SPATA13: variants seen among roughly 807,000 people sequenced by gnomAD.
The protein encoded by SPATA13 is spermatogenesis-associated protein 13.
SPATA13 carries 50 observed loss-of-function variants against 104.0 expected under a neutral mutation model. That is an observed-to-expected ratio of 0.48 (90% CI 0.38 to 0.61). SPATA13 has a LOEUF of 0.61. SPATA13 is among the 20% of genes least tolerant of loss of function. The pLI is 0.00. For synonymous variants in SPATA13, 606 were observed against 667.5 expected, an observed-to-expected ratio of 0.91 and a Z score of 1.42; for missense variants, 1,524 against 1,690.6, an observed-to-expected ratio of 0.90 and a Z score of 1.73.
intron 1 of SPATA13, among the ~76,000 whole-genome samples, chr13:24,174,494 G>A (rs527898351): frequency 2.4e-4 from 37 of 151,538 alleles, no homozygotes; most frequent in Admixed American, 5.3e-4. Context: ...CACTGCTTTC[G>A]CTATATTCCA....
intron 4 of SPATA13, among the ~76,000 whole-genome samples, chr13:24,264,822 C>G (rs1874219532): frequency 6.6e-6 from 1 of 152,176 alleles, no homozygotes; most frequent in African/African-American, 2.4e-5. Flanking sequence ...TGGCCTTCAG[C>G]TGAAGCTGGC....
chr13:24,295,375 C>A (rs942976740), intron 10 of SPATA13, among the ~76,000 whole-genome samples: 4 of 152,210 alleles, frequency 2.6e-5, no homozygotes, highest in African/African-American at 9.6e-5. Flanking sequence ...CTTTGGGAGG[C>A]CAAAGTGTGA....
chr13:24,249,530 A>G lies in SPATA13; in HGVS notation c.1707A>G (p.Thr569=), dbSNP rs1873354768. 6.2e-7 allele frequency: 1 copy of G among 1,609,640 alleles called. No homozygotes were observed. The highest frequency in any genetic ancestry group is 1.6e-4 in the Middle Eastern group (1 of 6,074). ...RRSSSQDEER[T]EAQRTPKRRW... ...GCTCATCACAGGATGAGGAAAGGAC[A>G]GAGGCACAGAGAACCCCCAAGAGGA... Residue 569 remains threonine (T), a synonymous_variant, in exon 3 of 13, where the codon ACA becomes ACG. Transcript: ENST00000382108.
intron 3 of SPATA13, among the ~76,000 whole-genome samples, chr13:24,155,231 A>T (rs1882224646): frequency 6.6e-6 from 1 of 152,188 alleles, no homozygotes. Context: ...GAAAGATGAA[A>T]GGGGGATTCT....
intron 2 of SPATA13, among the ~76,000 whole-genome samples, chr13:23,990,237 C>T (rs1566063989): frequency 6.6e-6 from 1 of 152,192 alleles, no homozygotes; most frequent in Non-Finnish European, 1.5e-5. Context: ...TGATCTGTCA[C>T]CAAGAGGAGT....
intron 1 of SPATA13, among the ~76,000 whole-genome samples, chr13:24,210,050 C>A (rs1428770318): frequency 1.3e-5 from 2 of 152,012 alleles, no homozygotes; most frequent in East Asian, 1.9e-4. Context: ...TATCTCTTGG[C>A]CATTTGTGTG....
chr13:24,139,198 T>C (rs948501268), intron 3 of SPATA13, among the ~76,000 whole-genome samples: 1 of 152,108 alleles, frequency 6.6e-6, no homozygotes, highest in African/African-American at 2.4e-5. Context: ...CACAGCTTTT[T>C]CCCATGTGTC....
intron 3 of SPATA13, among the ~76,000 whole-genome samples, chr13:24,066,198 G>A (rs1036113692): frequency 6.6e-6 from 1 of 152,166 alleles, no homozygotes; most frequent in African/African-American, 2.4e-5. Flanking sequence ...GACCAGGTGA[G>A]GAAATCCATC....
chr13:24,125,152 C>T (rs1251858662), intron 3 of SPATA13, among the ~76,000 whole-genome samples: 1 of 152,194 alleles, frequency 6.6e-6, no homozygotes, highest in Non-Finnish European at 1.5e-5. Context: ...TTTCTGCTCC[C>T]GCATAACATC....
At chr13:24,260,094 G>A (rs925805647) in intron 4 of SPATA13, among the ~76,000 whole-genome samples, 3 of 152,222 alleles carry the variant, frequency 2.0e-5, no homozygotes, top group African/African-American at 4.8e-5. Flanking sequence ...AGCTGCCAGT[G>A]TGGTGGATGA....
chr13:24,245,885 C>T (rs934472367), intron 2 of SPATA13, among the ~76,000 whole-genome samples: 13 of 152,014 alleles, frequency 8.6e-5, no homozygotes, highest in South Asian at 2.1e-4. Context: ...CACTGTGCTC[C>T]GGCCAACAGT....
chr13:24,061,616 G>A (rs1349052215), intron 3 of SPATA13, among the ~76,000 whole-genome samples: 1 of 152,144 alleles, frequency 6.6e-6, no homozygotes, highest in Non-Finnish European at 1.5e-5. Flanking sequence ...ACTAATGCAG[G>A]AACAGAAAAC....
Position 24,009,287 on chromosome 13 carries a change from C to T in SPATA13, c.-146-8380C>T, listed in dbSNP as rs1019590460. 2.6e-5 allele frequency among the ~76,000 whole-genome samples: 4 copies of T among 152,348 alleles called. No individual in the cohort carries two copies. In the South Asian group the frequency reaches 6.2e-4, roughly 24 times the overall value. On this transcript the variant is annotated intron_variant, in intron 2 of 14. Coordinates refer to the SPATA13 transcript ENST00000424834. ...CTGTGAACCAAAAGTATCTGAGATA[C>T]GTCTCCATTAATTTAGAAAGTTTAT...
At chr13:24,166,486 C>T (rs1401060551) in intron 1 of SPATA13, among the ~76,000 whole-genome samples, 2 of 152,140 alleles carry the variant, frequency 1.3e-5, no homozygotes, top group African/African-American at 4.8e-5. Context: ...AGGAGATGGG[C>T]TCCAGCTTGG....
At position 24,297,518 on chromosome 13, in the gene SPATA13, C is replaced by T. The variant is rs759953526; in HGVS notation, c.3366C>T (p.Tyr1122=). The change falls in exon 11 of 13, where the codon TAC becomes TAT. Residue 1122 remains tyrosine (Y), a synonymous_variant. Coordinates refer to ENST00000382108, the MANE Select transcript of SPATA13 (RefSeq NM_001166271.3). ...KKDLLRRDML[Y]YKGRLDMDEM... ...ACCTGCTGCGCAGGGACATGCTGTA[C>T]TACAAGGGCCGGCTGGACATGGATG... The T allele has an allele frequency of 1.9e-6, 3 of 1,614,236 alleles. No individual in the cohort carries two copies. Among genetic ancestry groups the T allele is most frequent in the Non-Finnish European group, 2.5e-6 (3 of 1,180,048 alleles).
intron 3 of SPATA13, among the ~76,000 whole-genome samples, chr13:24,028,046 T>C (rs1877315152): frequency 6.6e-6 from 1 of 152,244 alleles, no homozygotes; most frequent in African/African-American, 2.4e-5. Context: ...TAGATGTTTT[T>C]ATAATTTTTA....
chr13:24,163,525 A>G (rs1473227110), intron 1 of SPATA13, among the ~76,000 whole-genome samples: 1 of 152,206 alleles, frequency 6.6e-6, no homozygotes, highest in Non-Finnish European at 1.5e-5. Flanking sequence ...GTGTGACTGT[A>G]TGAGTCTTAT....
intron 3 of SPATA13, among the ~76,000 whole-genome samples, chr13:24,059,344 G>A (rs886855955): frequency 1.3e-5 from 2 of 150,400 alleles, no homozygotes; most frequent in East Asian, 3.9e-4. Flanking sequence ...AAAAAAAAAG[G>A]CTTGTCTTTG....
chr13:24,283,433 G>C (rs962806094), intron 4 of SPATA13, among the ~76,000 whole-genome samples: 3 of 152,206 alleles, frequency 2.0e-5, no homozygotes, highest in Non-Finnish European at 4.4e-5. Flanking sequence ...TTGCACAGGA[G>C]GACTGAGGCC....
Sources: gnomAD v4.1 joint callset for allele counts (sites outside exome capture counted in the v4.1 genomes callset) on GRCh38, gnomAD v4.1.1 for gene constraint, MANE v1.5 for transcripts, NCBI Gene and HGNC (gene_info 2026-07-23, HGNC 2026-07-21) for gene names.